HACD1: variants seen among roughly 807,000 people sequenced by gnomAD.
HACD1 encodes very-long-chain (3R)-3-hydroxyacyl-CoA dehydratase 1.
A neutral mutation model predicts 32.0 loss-of-function variants in HACD1; 41 were observed. That is an observed-to-expected ratio of 1.28 (90% confidence interval 1.00 to 1.66). The LOEUF (loss-of-function observed/expected upper bound fraction) is 1.66, where lower values mean the gene tolerates loss of function less well. Among genes scored for constraint, HACD1 ranks in the 40% most tolerant of loss-of-function variants. The pLI is 0.00. For synonymous variants in HACD1, 142 were observed against 139.0 expected (o/e 1.02, Z -0.15); for missense variants, 396 against 380.1 (o/e 1.04, Z -0.35).
At chr10:17,605,734 A>T (rs1174588374) in intron 1 of HACD1, among the ~76,000 whole-genome samples, 1 of 151,952 alleles carries the variant, frequency 6.6e-6, no homozygotes, top group Non-Finnish European at 1.5e-5. Context: ...TGGGTGGATC[A>T]CCTGAGGTCC....
intron 1 of HACD1, among the ~76,000 whole-genome samples, chr10:17,604,664 T>C (rs1442487203): frequency 2.6e-5 from 4 of 152,250 alleles, no homozygotes; most frequent in East Asian, 3.9e-4. Flanking sequence ...AAAAAATTTC[T>C]TTTTTTGCAT....
At chr10:17,610,106 T>G (rs1554817365) in intron 1 of HACD1, among the ~76,000 whole-genome samples, 1 of 152,148 alleles carries the variant, frequency 6.6e-6, no homozygotes, top group Non-Finnish European at 1.5e-5. Flanking sequence ...GACATGTACA[T>G]GCATGCTTAT....
chr10:17,597,718 G>A (rs1353135452), intron 5 of HACD1, among the ~76,000 whole-genome samples: 2 of 151,704 alleles, frequency 1.3e-5, no homozygotes, highest in Non-Finnish European at 3.0e-5. Context: ...ATATTGATGT[G>A]TTCTAGGATT....
chr10:17,607,687 G>T (rs540186829), intron 1 of HACD1, among the ~76,000 whole-genome samples: 1 of 152,252 alleles, frequency 6.6e-6, no homozygotes, highest in Admixed American at 6.5e-5. Context: ...TTGCTCCATA[G>T]GTGGCAGTAT....
chr10:17,612,125 A>AAC (rs1832993238), intron 1 of HACD1, among the ~76,000 whole-genome samples: 1 of 141,970 alleles, frequency 7.0e-6, no homozygotes, highest in African/African-American at 2.6e-5. Context: ...AAAAAAAAAA[A>AAC]AAAAACCCTA....
Position 17,602,243 on chromosome 10 carries a change from T to G in HACD1, c.483+1317A>C, listed in dbSNP as rs558789838. Among the ~76,000 whole-genome samples, 4 of 152,102 alleles carry G rather than the reference T, an allele frequency of 2.6e-5. No individual in the cohort carries two copies. The South Asian group carries it at 6.2e-4, about 24-fold the overall frequency. ...CGCCACCACATCTGGCTGATTTTTGTATTTTTGGTAGAGATGAGGTTTCAC... is the reference window on the plus strand; with the variant it reads ...CGCCACCACATCTGGCTGATTTTTGGATTTTTGGTAGAGATGAGGTTTCAC... On this transcript the variant is annotated intron_variant, in intron 4 of 6. Transcript: ENST00000361271.
chr10:17,603,441 C>G (rs1283642786), intron 4 of HACD1, 119 bp downstream of exon 4: 7 of 946,236 alleles, frequency 7.4e-6, no homozygotes, highest in African/African-American at 1.7e-5. Flanking sequence ...AACTCAAACC[C>G]AACTCCTTTT....
intron 1 of HACD1, 99 bp downstream of exon 1, chr10:17,616,984 C>G: frequency 8.2e-7 from 1 of 1,220,560 alleles, no homozygotes; most frequent in East Asian, 3.3e-5. Flanking sequence ...CTGCCCGCAC[C>G]CCCCGCGCCC....
chr10:17,591,634 A>C (rs1326957970), intron 6 of HACD1, among the ~76,000 whole-genome samples: 1 of 152,224 alleles, frequency 6.6e-6, no homozygotes, highest in African/African-American at 2.4e-5. Context: ...TCATAGTATA[A>C]ATGTTGGTGG....
intron 1 of HACD1, among the ~76,000 whole-genome samples, chr10:17,611,135 G>A (rs1834229630): frequency 6.6e-6 from 1 of 151,726 alleles, no homozygotes; most frequent in Non-Finnish European, 1.5e-5. Context: ...CGAGTAGCTG[G>A]GACTACAGGT....
At position 17,617,119 on chromosome 10, in the gene HACD1, G is replaced by T; in HGVS notation, c.221C>A (p.Ala74Asp). ...ERRRLGVLAT[A>D]WLTFYDIAMT... ...GGCGATGTCGTAGAAGGTGAGCCAGGCGGTGGCCAAGACCCCCAGGCGCCT... is the reference window on the plus strand; with the variant it reads ...GGCGATGTCGTAGAAGGTGAGCCAGTCGGTGGCCAAGACCCCCAGGCGCCT... The change falls in exon 1 of 7, where the codon GCC becomes GAC. Residue 74 changes from alanine to aspartate, a missense_variant. Transcript: ENST00000361271. The T allele has an allele frequency of 6.6e-7, 1 of 1,504,062 alleles. No individual in the cohort carries two copies. 93.2% of individuals were successfully genotyped at this position (1,504,062 alleles called of 1,614,324 possible).
At chr10:17,605,640 A>T (rs1368005111) in intron 1 of HACD1, among the ~76,000 whole-genome samples, 1 of 151,708 alleles carries the variant, frequency 6.6e-6, no homozygotes, top group Admixed American at 6.6e-5. Flanking sequence ...GCTTTCAAAA[A>T]GGTTGTTTAA....
At chr10:17,612,795 G>A (rs1487943518) in intron 1 of HACD1, among the ~76,000 whole-genome samples, 2 of 151,768 alleles carry the variant, frequency 1.3e-5, no homozygotes, top group African/African-American at 4.8e-5. Flanking sequence ...GGTGGCGGGC[G>A]CCAGTAGTCC....
intron 1 of HACD1, among the ~76,000 whole-genome samples, chr10:17,611,914 C>T (rs1169275788): frequency 2.0e-5 from 3 of 151,660 alleles, no homozygotes; most frequent in Non-Finnish European, 2.9e-5. Context: ...TTGCAGTGAG[C>T]TGAGATCGCA....
chr10:17,590,560 T>C lies in HACD1; in HGVS notation c.785-114A>G, dbSNP rs947874310. On this transcript the variant is annotated intron_variant, in intron 6 of 6. Transcript: ENST00000361271. ...GTAAATACATCCCATACCACTGCTG[T>C]TCCCTGGATATTTACAGAGCTCAAG... 28 of 651,828 alleles carry C rather than the reference T, an allele frequency of 4.3e-5. 1 individual carries two copies. The highest frequency in any genetic ancestry group is 1.4e-4 in the Admixed American group (4 of 29,568). The allele number at this position is 651,828 out of a possible 1,614,324, so 40.4% of individuals were successfully genotyped here. A position where few individuals can be genotyped will look rare whatever the true frequency, so the allele number is the denominator to read the frequency against.
chr10:17,603,481 C>A, intron 4 of HACD1, 79 bp downstream of exon 4: 1 of 1,305,878 alleles, frequency 7.7e-7, no homozygotes, highest in Admixed American at 2.1e-5. Context: ...CTGAAATATA[C>A]AAATGTTAAT....
At chr10:17,613,402 G>C (rs571474859) in intron 1 of HACD1, among the ~76,000 whole-genome samples, 2 of 152,238 alleles carry the variant, frequency 1.3e-5, no homozygotes, top group African/African-American at 4.8e-5. Flanking sequence ...GTAAGTTCTT[G>C]TCCCGATTTC....
intron 1 of HACD1, chr10:17,615,699 GCTCACAC>G (rs1554817923): frequency 3.7e-6 from 1 of 270,844 alleles, no homozygotes; most frequent in South Asian, 2.9e-5. Context: ...CGGTGCGATG[GCTCACAC>G]CTGTAATCCC....
At chr10:17,615,693 G>T (rs1833066408) in intron 1 of HACD1, 1 of 240,958 alleles carries the variant, frequency 4.2e-6, no homozygotes, top group African/African-American at 2.4e-5. Flanking sequence ...TAGGCCCGGT[G>T]CGATGGCTCA....
Sources: allele counts gnomAD v4.1 joint callset (sites outside exome capture counted in the v4.1 genomes callset), GRCh38; gene constraint gnomAD v4.1.1; transcripts MANE v1.5; gene names NCBI Gene and HGNC (gene_info 2026-07-23, HGNC 2026-07-21).